PPM1E: variants seen among roughly 807,000 people sequenced by gnomAD.
PPM1E encodes the protein protein phosphatase, Mg2+/Mn2+ dependent 1E, also known as protein phosphatase 1E.
In PPM1E, 20 loss-of-function variants were observed where a neutral mutation model predicts 65.9. The observed-to-expected ratio is 0.30, with a 90% CI of 0.21 to 0.44. The LOEUF is 0.44. Ranked by LOEUF, PPM1E falls within the 20% of genes least tolerant of loss-of-function variation. The pLI is 1.00. For missense variants in PPM1E, 713 were observed against 953.1 expected (o/e 0.75, Z 3.32); for synonymous variants, 352 against 374.9 (o/e 0.94, Z 0.70).
At chr17:58,774,379 A>G (rs1026504943) in intron 1 of PPM1E, among the ~76,000 whole-genome samples, 1 of 152,184 alleles carries the variant, frequency 6.6e-6, no homozygotes, top group African/African-American at 2.4e-5. Flanking sequence ...TCTTTATCAC[A>G]GGACCAGTGT....
intron 1 of PPM1E, among the ~76,000 whole-genome samples, chr17:58,847,099 C>T (rs2050779378): frequency 6.6e-6 from 1 of 152,012 alleles, no homozygotes; most frequent in African/African-American, 2.4e-5. Flanking sequence ...TATCCTTTGC[C>T]CACTTTTTGA....
chr17:58,853,789 C>T (rs2050853433), intron 1 of PPM1E, among the ~76,000 whole-genome samples: 1 of 152,026 alleles, frequency 6.6e-6, no homozygotes, highest in Admixed American at 6.6e-5. Context: ...CGAAATTGCA[C>T]CACTGCACTC....
intron 1 of PPM1E, among the ~76,000 whole-genome samples, chr17:58,933,034 A>C (rs566354670): frequency 2.8e-4 from 42 of 152,310 alleles, no homozygotes; most frequent in African/African-American, 1.0e-3. Flanking sequence ...CACACTGTGC[A>C]CTATTGTCTC....
intron 1 of PPM1E, among the ~76,000 whole-genome samples, chr17:58,870,921 G>T (rs2051062142): frequency 6.6e-6 from 1 of 152,094 alleles, no homozygotes; most frequent in South Asian, 2.1e-4. Context: ...CCGCCTGTGG[G>T]AATAGCCCCT....
chr17:58,907,748 T>C (rs2051576098), intron 1 of PPM1E, among the ~76,000 whole-genome samples: 2 of 152,348 alleles, frequency 1.3e-5, no homozygotes, highest in Middle Eastern at 6.8e-3. Flanking sequence ...AATGCCCTTC[T>C]TCAGCCCTGA....
chr17:58,927,322 G>A (rs1167932848), intron 1 of PPM1E, among the ~76,000 whole-genome samples: 2 of 151,258 alleles, frequency 1.3e-5, no homozygotes, highest in African/African-American at 4.9e-5. Context: ...TAGTAGAGAG[G>A]GGATTTCACC....
intron 1 of PPM1E, among the ~76,000 whole-genome samples, chr17:58,937,892 A>AAAAGAAG (rs2052006655): frequency 7.7e-6 from 1 of 129,774 alleles, no homozygotes; most frequent in Non-Finnish European, 1.6e-5. Context: ...AAAAAAAAAA[A>AAAAGAAG]AAAGAAAGAA....
At chr17:58,907,050 C>T (rs2051566764) in intron 1 of PPM1E, among the ~76,000 whole-genome samples, 1 of 152,104 alleles carries the variant, frequency 6.6e-6, no homozygotes, top group Non-Finnish European at 1.5e-5. Flanking sequence ...TCCTGGCTAA[C>T]ACAGTGAAAC....
At position 58,863,778 on chromosome 17, in the gene PPM1E, G is replaced by A. The variant is rs186905307; in HGVS notation, c.465-91871G>A. Among the ~76,000 whole-genome samples, 32 of 152,276 alleles carry A rather than the reference G, an allele frequency of 2.1e-4. 1 individual carries two copies. In the East Asian group the frequency reaches 6.2e-3, roughly 29 times the overall value. The stretch of plus-strand genomic sequence containing the variant: ...AGTGGTCTTCCCCTGGAGTTCAGGT[G>A]TCCCAACCGAACACCTCTCCGACCA... On this transcript the variant is annotated intron_variant, in intron 1 of 6. Transcript: ENST00000308249.
chr17:58,789,677 T>C (rs2050137370), intron 1 of PPM1E, among the ~76,000 whole-genome samples: 1 of 152,006 alleles, frequency 6.6e-6, no homozygotes, highest in Non-Finnish European at 1.5e-5. Flanking sequence ...ATTTTCATTC[T>C]TTCTTAGATG....
At chr17:58,971,454 A>G (rs2030616683) in intron 4 of PPM1E, among the ~76,000 whole-genome samples, 1 of 152,202 alleles carries the variant, frequency 6.6e-6, no homozygotes, top group Non-Finnish European at 1.5e-5. Flanking sequence ...TAGGACCAAG[A>G]GCTTTAAGTA....
intron 1 of PPM1E, among the ~76,000 whole-genome samples, chr17:58,868,618 T>G (rs1374307304): frequency 6.6e-6 from 1 of 151,682 alleles, no homozygotes; most frequent in Non-Finnish European, 1.5e-5. Flanking sequence ...GGGTCAGTTT[T>G]GGAGTTTAAA....
At chr17:58,971,841 C>T (rs1454621634) in intron 4 of PPM1E, among the ~76,000 whole-genome samples, 4 of 152,172 alleles carry the variant, frequency 2.6e-5, no homozygotes, top group African/African-American at 9.6e-5. Context: ...GTTACCTGCC[C>T]TTGGGCAAGT....
intron 1 of PPM1E, among the ~76,000 whole-genome samples, chr17:58,851,045 C>T (rs912956747): frequency 1.3e-5 from 2 of 151,996 alleles, no homozygotes; most frequent in African/African-American, 4.8e-5. Flanking sequence ...TCACTGATAC[C>T]CTTTCTTCCA....
At chr17:58,921,358 A>G (rs2051747623) in intron 1 of PPM1E, among the ~76,000 whole-genome samples, 2 of 152,144 alleles carry the variant, frequency 1.3e-5, no homozygotes, top group Admixed American at 6.5e-5. Context: ...TGTAAGAGAA[A>G]GACAGTTACA....
intron 1 of PPM1E, among the ~76,000 whole-genome samples, chr17:58,770,292 A>G (rs1046069183): frequency 2.6e-5 from 4 of 152,154 alleles, no homozygotes; most frequent in African/African-American, 9.6e-5. Context: ...TATTAAGGTA[A>G]AACTATCCTT....
chr17:58,924,298 G>T (rs916883585), intron 1 of PPM1E, among the ~76,000 whole-genome samples: 1 of 151,982 alleles, frequency 6.6e-6, no homozygotes, highest in Admixed American at 6.6e-5. Flanking sequence ...GAAGGAGGGA[G>T]GGAAGAATGG....
At chr17:58,840,294 G>GT (rs1023791033) in intron 1 of PPM1E, among the ~76,000 whole-genome samples, 2 of 152,190 alleles carry the variant, frequency 1.3e-5, no homozygotes, top group Non-Finnish European at 2.9e-5. Context: ...TCACATGGCT[G>GT]TTTTTTGTTA....
chr17:58,975,768 GC>G (rs2030959548), intron 6 of PPM1E, among the ~76,000 whole-genome samples: 2 of 152,290 alleles, frequency 1.3e-5, no homozygotes, highest in African/African-American at 4.8e-5. Flanking sequence ...ACGCAGAGGG[GC>G]CACAGGGTCA....
Sources: allele counts gnomAD v4.1 joint callset (sites outside exome capture counted in the v4.1 genomes callset), GRCh38; gene constraint gnomAD v4.1.1; transcripts MANE v1.5; gene names NCBI Gene and HGNC (gene_info 2026-07-23, HGNC 2026-07-21).